Variants in NOS1AP observed in about 807,000 individuals in gnomAD.
NOS1AP encodes the protein carboxyl-terminal PDZ ligand of neuronal nitric oxide synthase protein.
In NOS1AP, 21 loss-of-function variants were observed where a neutral mutation model predicts 56.2. The ratio of observed to expected loss-of-function variants is 0.37; its 90% confidence interval spans 0.26 to 0.54. NOS1AP has a LOEUF of 0.54. NOS1AP is among the 20% of genes least tolerant of loss of function. NOS1AP has a pLI of 0.84. For synonymous variants in NOS1AP, 270 were observed against 274.6 expected (o/e 0.98, Z 0.17); for missense variants, 522 against 657.8 (o/e 0.79, Z 2.26).
chr1:162,316,352 G>C (rs1656228338), intron 4 of NOS1AP, among the ~76,000 whole-genome samples: 1 of 152,234 alleles, frequency 6.6e-6, no homozygotes, highest in Admixed American at 6.5e-5. Flanking sequence ...CTCAGGAAGA[G>C]AGCCCAGCAC....
intron 4 of NOS1AP, among the ~76,000 whole-genome samples, chr1:162,306,696 G>A (rs1655841312): frequency 6.6e-6 from 1 of 152,158 alleles, no homozygotes; most frequent in Non-Finnish European, 1.5e-5. Context: ...CAGCACTTTG[G>A]GCAGCTAAGT....
chr1:162,151,942 G>T (rs1007285308), intron 1 of NOS1AP, among the ~76,000 whole-genome samples: 1 of 152,116 alleles, frequency 6.6e-6, no homozygotes, highest in Admixed American at 6.5e-5. Flanking sequence ...TGGGGTAGTG[G>T]CTGATGTAGT....
chr1:162,141,865 A>G (rs141214271), intron 1 of NOS1AP, among the ~76,000 whole-genome samples: 1 of 152,342 alleles, frequency 6.6e-6, no homozygotes, highest in African/African-American at 2.4e-5. Flanking sequence ...GGATCACCAT[A>G]GGAAGTTGGG....
At chr1:162,217,281 T>TTTTTTTTTTTTTTTTTTTTTTTTTTC (rs1652608658) in intron 2 of NOS1AP, among the ~76,000 whole-genome samples, 1 of 143,072 alleles carries the variant, frequency 7.0e-6, no homozygotes, top group Non-Finnish European at 1.5e-5. Flanking sequence ...TTTTTTTTTT[T>TTTTTTTTTTTTTTTTTTTTTTTTTTC]GAGATGAAGT....
At chr1:162,103,577 G>T (rs1647389606) in intron 1 of NOS1AP, among the ~76,000 whole-genome samples, 1 of 152,098 alleles carries the variant, frequency 6.6e-6, no homozygotes, top group Non-Finnish European at 1.5e-5. Context: ...AAGTCTCTTT[G>T]TAGGTCTCTG....
intron 2 of NOS1AP, among the ~76,000 whole-genome samples, chr1:162,227,318 C>T (rs890187097): frequency 1.3e-5 from 2 of 152,152 alleles, no homozygotes; most frequent in African/African-American, 4.8e-5. Flanking sequence ...GAATAAAGTA[C>T]AGTAAGCACA....
intron 1 of NOS1AP, among the ~76,000 whole-genome samples, chr1:162,081,774 A>ATATATATATATTTATATATTTTTTTTTTT: frequency 2.3e-5 from 1 of 44,060 alleles, no homozygotes; most frequent in Non-Finnish European, 4.6e-5. Flanking sequence ...ATATATATAT[A>ATATATATATATTTATATATTTTTTTTTTT]TTTTTTTTTT....
chr1:162,273,606 G>A (rs1654652368), intron 2 of NOS1AP, among the ~76,000 whole-genome samples: 1 of 152,186 alleles, frequency 6.6e-6, no homozygotes, highest in Non-Finnish European at 1.5e-5. Flanking sequence ...TCCACCTGAG[G>A]AGGAGGAGTT....
At chr1:162,363,003 C>T (rs758282140) in intron 8 of NOS1AP, 90 of 666,042 alleles carry the variant, frequency 1.4e-4, no homozygotes, top group Non-Finnish European at 1.5e-4. Context: ...ATGTATGGGG[C>T]TTTTTCCCAC....
intron 2 of NOS1AP, among the ~76,000 whole-genome samples, chr1:162,237,967 G>A (rs1462655789): frequency 1.3e-5 from 2 of 152,114 alleles, no homozygotes; most frequent in Non-Finnish European, 2.9e-5. Flanking sequence ...GTGTGGCCAG[G>A]CACACAGCTA....
chr1:162,186,751 C>G (rs970067808), intron 2 of NOS1AP, among the ~76,000 whole-genome samples: 2 of 152,156 alleles, frequency 1.3e-5, no homozygotes, highest in South Asian at 2.1e-4. Context: ...TTGTTGACAC[C>G]TTGATTTTGG....
chr1:162,218,632 G>A (rs1652662318), intron 2 of NOS1AP, among the ~76,000 whole-genome samples: 2 of 152,118 alleles, frequency 1.3e-5, no homozygotes, highest in Non-Finnish European at 2.9e-5. Flanking sequence ...GTCGTTTGCT[G>A]GTCAGTCGTG....
At chr1:162,282,057 A>G (rs768983212) in intron 2 of NOS1AP, among the ~76,000 whole-genome samples, 2 of 152,176 alleles carry the variant, frequency 1.3e-5, no homozygotes, top group African/African-American at 2.4e-5. Context: ...CTGAGATTGC[A>G]CCATTGCACT....
At chr1:162,337,891 T>C (rs959999885) in intron 5 of NOS1AP, among the ~76,000 whole-genome samples, 1 of 152,200 alleles carries the variant, frequency 6.6e-6, no homozygotes, top group Non-Finnish European at 1.5e-5. Flanking sequence ...CCATCTACCA[T>C]TTCAGAGCCT....
Position 162,297,594 on chromosome 1 carries a change from T to A in NOS1AP, c.271-3039T>A, listed in dbSNP as rs1655507185. 2.0e-5 allele frequency among the ~76,000 whole-genome samples: 3 copies of A among 152,214 alleles called. No homozygotes were observed. The South Asian group carries it at 6.2e-4, about 32-fold the overall frequency. ...ATAGCAGTGGCTCTCAGGCCCAGGG[T>A]CACATCAGAACCACTTGAAATGTTT... is the stretch of plus-strand genomic sequence containing the variant. On this transcript the variant is annotated intron_variant, in intron 3 of 9. Coordinates refer to ENST00000361897, the MANE Select transcript of NOS1AP (RefSeq NM_014697.3).
intron 1 of NOS1AP, among the ~76,000 whole-genome samples, chr1:162,072,098 A>T (rs925439506): frequency 1.3e-5 from 2 of 152,008 alleles, no homozygotes; most frequent in African/African-American, 4.8e-5. Flanking sequence ...AGATAGATAG[A>T]TAGATAGATA....
chr1:162,118,133 C>T (rs1337446807), intron 1 of NOS1AP, among the ~76,000 whole-genome samples: 1 of 152,218 alleles, frequency 6.6e-6, no homozygotes, highest in Non-Finnish European at 1.5e-5. Flanking sequence ...TTAACAAACA[C>T]ATACAGGTTT....
intron 1 of NOS1AP, among the ~76,000 whole-genome samples, chr1:162,135,529 A>G (rs991061896): frequency 2.0e-5 from 3 of 152,228 alleles, no homozygotes; most frequent in African/African-American, 4.8e-5. Context: ...CAGAACTGGC[A>G]TTTATTTTGG....
chr1:162,311,815 G>A lies in NOS1AP; in HGVS notation c.344+11109G>A, dbSNP rs566029833. 7.6e-5 allele frequency among the ~76,000 whole-genome samples: 11 copies of A among 145,008 alleles called. No homozygotes were observed. In the East Asian group the frequency reaches 2.1e-3, roughly 27 times the overall value. On this transcript the variant is annotated intron_variant, in intron 4 of 9. Coordinates refer to ENST00000361897, the MANE Select transcript of NOS1AP (RefSeq NM_014697.3). ...ATCTCATTGTTCAATTCCCACCTAT[G>A]AGTGAGAATATGCGGTGTTTGGTTT...
Sources: allele counts gnomAD v4.1 joint callset (sites outside exome capture counted in the v4.1 genomes callset), GRCh38; gene constraint gnomAD v4.1.1; transcripts MANE v1.5; gene names NCBI Gene and HGNC (gene_info 2026-07-23, HGNC 2026-07-21).